CDH18: variants seen among roughly 807,000 people sequenced by gnomAD.
The protein encoded by CDH18 is cadherin-18.
In CDH18, 31 loss-of-function variants were observed where a neutral mutation model predicts 67.9. The ratio of observed to expected loss-of-function variants is 0.46; its 90% confidence interval spans 0.34 to 0.62. The LOEUF is 0.62. Among genes scored for constraint, CDH18 ranks in the 20% least tolerant of loss-of-function variants. The pLI, the probability that CDH18 is intolerant of heterozygous loss-of-function variation, is 0.01. For missense variants in CDH18, 890 were observed against 975.5 expected (o/e 0.91, Z 1.17); for synonymous variants, 362 against 347.2 (o/e 1.04, Z -0.48).
chr5:19,589,970 T>C (rs1210563336), intron 7 of CDH18, among the ~76,000 whole-genome samples: 2 of 152,114 alleles, frequency 1.3e-5, no homozygotes, highest in Non-Finnish European at 2.9e-5. Flanking sequence ...TAGCACTATA[T>C]AACTCTTCTT....
chr5:19,959,853 C>T (rs1470249825), intron 2 of CDH18, among the ~76,000 whole-genome samples: 1 of 152,080 alleles, frequency 6.6e-6, no homozygotes, highest in East Asian at 1.9e-4. Flanking sequence ...TAGCCTATTG[C>T]TCCTAGGCTA....
At position 20,172,230 on chromosome 5, in the gene CDH18, A is replaced by ATATATATACGTATATATATATATACG. The variant is rs1554098792; in HGVS notation, c.-518+83213_-518+83214insCGTATATATATATATACGTATATATA. 8.2e-4 allele frequency among the ~76,000 whole-genome samples: 79 copies of ATATATATACGTATATATATATATACG among 96,658 alleles called. 4 individuals are homozygous for ATATATATACGTATATATATATATACG. The highest frequency in any genetic ancestry group is 1.5e-3 in the Non-Finnish European group (68 of 46,468). 63.4% of individuals were successfully genotyped at this position (96,658 alleles called of 152,430 possible). A position where few individuals can be genotyped will look rare whatever the true frequency, so the allele number is the denominator to read the frequency against. On this transcript the variant is annotated intron_variant, in intron 2 of 14. Coordinates refer to the CDH18 transcript ENST00000507958. ...TATATATATATATATATATGTATAT[A>ATATATATACGTATATATATATATACG]TATATATATGTATATATATATATAT...
At chr5:20,047,849 T>C (rs902390366) in intron 2 of CDH18, among the ~76,000 whole-genome samples, 3 of 151,756 alleles carry the variant, frequency 2.0e-5, no homozygotes, top group African/African-American at 7.2e-5. Context: ...TTGCACACCA[T>C]ATTATTTTTT....
At chr5:20,099,605 T>C (rs1459510708) in intron 2 of CDH18, among the ~76,000 whole-genome samples, 2 of 152,132 alleles carry the variant, frequency 1.3e-5, no homozygotes, top group African/African-American at 4.8e-5. Flanking sequence ...TCAAGAAGAA[T>C]GATGGCCTCT....
intron 1 of CDH18, among the ~76,000 whole-genome samples, chr5:20,483,467 C>A (rs2126325846): frequency 6.6e-6 from 1 of 151,902 alleles, no homozygotes; most frequent in East Asian, 1.9e-4. Flanking sequence ...CCAATGTTAA[C>A]CTGAGCAAAA....
intron 1 of CDH18, among the ~76,000 whole-genome samples, chr5:20,330,326 C>T (rs1739045089): frequency 6.6e-6 from 1 of 152,046 alleles, no homozygotes; most frequent in Non-Finnish European, 1.5e-5. Flanking sequence ...GCTAGTTAGA[C>T]ATGAGCAGGA....
chr5:20,024,354 A>T (rs1411406536), intron 2 of CDH18, among the ~76,000 whole-genome samples: 1 of 152,228 alleles, frequency 6.6e-6, no homozygotes, highest in Non-Finnish European at 1.5e-5. Context: ...ATATAAAATA[A>T]ATAATAGACA....
rs59678864 is a variant in CDH18, at chr5:19,903,617, CTTTT to C, written c.-256-64379_-256-64376del. Among the ~76,000 whole-genome samples, 76 of 89,978 alleles carry C rather than the reference CTTTT, an allele frequency of 8.4e-4. 1 individual carries two copies. The highest frequency in any genetic ancestry group is 2.8e-3 in the African/African-American group (66 of 23,600). The allele number at this position is 89,978 out of a possible 152,430, so 59.0% of individuals were successfully genotyped here. On this transcript the variant is annotated intron_variant, in intron 2 of 12. Transcript: ENST00000382275. ...GTCCCTTCAGTAACAAGCAAAGTGG[CTTTT>C]TTTTTTTTTTTTTTTTTTCCTCCAG...
intron 1 of CDH18, among the ~76,000 whole-genome samples, chr5:20,373,437 T>A (rs1743165310): frequency 6.6e-6 from 1 of 152,144 alleles, no homozygotes; most frequent in Non-Finnish European, 1.5e-5. Context: ...TCTAGTCCAA[T>A]CTTTGGATGA....
At chr5:19,939,664 C>T (rs1201530682) in intron 2 of CDH18, among the ~76,000 whole-genome samples, 2 of 151,754 alleles carry the variant, frequency 1.3e-5, no homozygotes, top group East Asian at 3.9e-4. Context: ...AGTAATTAGA[C>T]TCAAGATATT....
chr5:19,783,083 C>G (rs185030061), intron 3 of CDH18, among the ~76,000 whole-genome samples: 1 of 152,268 alleles, frequency 6.6e-6, no homozygotes, highest in African/African-American at 2.4e-5. Context: ...CTTTGCTGCT[C>G]TAAGCTGCAT....
At chr5:20,374,990 T>C (rs917966533) in intron 1 of CDH18, among the ~76,000 whole-genome samples, 1 of 152,170 alleles carries the variant, frequency 6.6e-6, no homozygotes, top group African/African-American at 2.4e-5. Flanking sequence ...ATGTGGCTTG[T>C]GAAAATGAAG....
intron 3 of CDH18, among the ~76,000 whole-genome samples, chr5:19,763,251 T>C (rs779505598): frequency 6.6e-6 from 1 of 152,056 alleles, no homozygotes; most frequent in Non-Finnish European, 1.5e-5. Flanking sequence ...GTACAAGAAA[T>C]GAAATAATGC....
Position 20,547,328 on chromosome 5 carries a change from C to T in CDH18, c.-580+28134G>A, listed in dbSNP as rs755891345. On this transcript the variant is annotated intron_variant, in intron 1 of 14. Transcript: ENST00000507958. ...CTGGAATCCCAGCACTTTGGGAGGC[C>T]GAGTTGGGCGGATCATTAGGTCAGG... is the stretch of plus-strand genomic sequence containing the variant. 5.3e-5 allele frequency among the ~76,000 whole-genome samples: 8 copies of T among 151,874 alleles called. 2 individuals are homozygous for T. The highest frequency in any genetic ancestry group is 5.3e-4 in the Admixed American group (8 of 15,230).
intron 1 of CDH18, among the ~76,000 whole-genome samples, chr5:20,511,938 T>TA (rs1755059941): frequency 6.6e-6 from 1 of 152,068 alleles, no homozygotes; most frequent in African/African-American, 2.4e-5. Context: ...TTTATAAATT[T>TA]AAAAAACAGG....
chr5:20,449,832 A>AAAT (rs1554001268), intron 1 of CDH18, among the ~76,000 whole-genome samples: 3 of 151,428 alleles, frequency 2.0e-5, no homozygotes, highest in South Asian at 2.1e-4. Context: ...AAAAAGAAAA[A>AAAT]ATATATATAT....
chr5:19,756,954 G>C (rs1327655451), intron 3 of CDH18, among the ~76,000 whole-genome samples: 4 of 152,160 alleles, frequency 2.6e-5, no homozygotes, highest in Non-Finnish European at 4.4e-5. Flanking sequence ...CCAGCCTTCT[G>C]GATAACTTTG....
chr5:20,356,749 C>A (rs553555878), intron 1 of CDH18, among the ~76,000 whole-genome samples: 8,422 of 128,244 alleles, frequency 0.066, 266 homozygotes, highest in African/African-American at 0.096. Context: ...CTCTCTCTCT[C>A]TCTCTATATA....
At chr5:19,663,523 T>C (rs912611268) in intron 5 of CDH18, among the ~76,000 whole-genome samples, 2 of 151,902 alleles carry the variant, frequency 1.3e-5, no homozygotes, top group African/African-American at 4.8e-5. Context: ...CTCTTCTAAG[T>C]CAGAATTTTC....
Sources: allele counts gnomAD v4.1 joint callset (sites outside exome capture counted in the v4.1 genomes callset), GRCh38; gene constraint gnomAD v4.1.1; transcripts MANE v1.5; gene names NCBI Gene and HGNC (gene_info 2026-07-23, HGNC 2026-07-21).